Variants in DNMT3A observed in about 807,000 individuals in gnomAD.
The protein encoded by DNMT3A is DNA methyltransferase 3 alpha.
A neutral mutation model predicts 117.6 loss-of-function variants in DNMT3A; 267 were observed. That is an observed-to-expected ratio of 2.27 (90% CI 2.05 to 2.51). The LOEUF (loss-of-function observed/expected upper bound fraction) is 2.51. Ranked by LOEUF, DNMT3A falls within the 30% of genes most tolerant of loss-of-function variation. DNMT3A has a pLI of 0.00. For missense variants in DNMT3A, 1,029 were observed against 1,260.2 expected (o/e 0.82, Z 2.78); for synonymous variants, 432 against 474.8 (o/e 0.91, Z 1.17).
chr2:25,289,375 C>T (rs1280982535), intron 3 of DNMT3A, among the ~76,000 whole-genome samples: 1 of 152,224 alleles, frequency 6.6e-6, no homozygotes, highest in Non-Finnish European at 1.5e-5. Context: ...GCTGGGATTA[C>T]AGGCGTGAGC....
At chr2:25,329,809 G>C (rs1558746659) in intron 1 of DNMT3A, among the ~76,000 whole-genome samples, 1 of 151,960 alleles carries the variant, frequency 6.6e-6, no homozygotes, top group Admixed American at 6.6e-5. Flanking sequence ...CACGCACACA[G>C]CCCCCCTCAT....
chr2:25,248,992 G>A (rs774764879), intron 6 of DNMT3A, among the ~76,000 whole-genome samples: 2 of 152,104 alleles, frequency 1.3e-5, no homozygotes, highest in Non-Finnish European at 2.9e-5. Flanking sequence ...GCATTATACC[G>A]TATATCTCCT....
chr2:25,317,942 T>C (rs1385597586), intron 1 of DNMT3A, among the ~76,000 whole-genome samples: 1 of 151,868 alleles, frequency 6.6e-6, no homozygotes, highest in South Asian at 2.1e-4. Flanking sequence ...TCCATGTTGG[T>C]CAGGCTGGTC....
chr2:25,232,838 A>C lies in DNMT3A; in HGVS notation c.*1441T>G. Reference sequence around the variant, plus strand: ...TAATAAAAGGTGTCATCAGCCTCCCAGTATAAAACTGCAGCCTTTGGAGAT... The same window carrying C: ...TAATAAAAGGTGTCATCAGCCTCCCCGTATAAAACTGCAGCCTTTGGAGAT... On this transcript the variant is annotated 3_prime_UTR_variant, in exon 23 of 23. Transcript: ENST00000321117. This position sits in a 1 kb window ranked among gnomAD's most constrained non-coding sequence, Gnocchi z 4.1. 3 of 224,356 alleles carry C rather than the reference A, an allele frequency of 1.3e-5. No individual in the cohort carries two copies. The highest frequency in any genetic ancestry group is 6.5e-5 in the East Asian group (1 of 15,408). The allele number at this position is 224,356 out of a possible 1,614,324, so 13.9% of individuals were successfully genotyped here. A position where few individuals can be genotyped will look rare whatever the true frequency, so the allele number is the denominator to read the frequency against.
chr2:25,261,211 G>A (rs539568615), intron 6 of DNMT3A, among the ~76,000 whole-genome samples: 1 of 152,174 alleles, frequency 6.6e-6, no homozygotes, highest in South Asian at 2.1e-4. Context: ...GGCTGAGGTG[G>A]GTGGATCATC....
rs535057549 is a variant in DNMT3A at position 25,260,554 on chromosome 2, T to C, written c.640-12302A>G. 9.2e-5 allele frequency among the ~76,000 whole-genome samples: 14 copies of C among 152,348 alleles called. No homozygotes were observed. In the South Asian group the frequency reaches 2.9e-3, roughly 32 times the overall value. On this transcript the variant is annotated intron_variant, in intron 6 of 22. Coordinates refer to ENST00000321117, the MANE Select transcript of DNMT3A (RefSeq NM_022552.5). ...GAGGCTGAGCTGTTATTCCTGTTTT[T>C]GTTCAATCCATCTGAGTTGCAAGTG...
intron 1 of DNMT3A, among the ~76,000 whole-genome samples, chr2:25,319,951 G>A (rs1197622796): frequency 3.9e-5 from 6 of 152,110 alleles, no homozygotes; most frequent in Non-Finnish European, 8.8e-5. Context: ...TGCATTTTTA[G>A]TAGAGATGGG....
chr2:25,313,904 G>A lies in DNMT3A; in HGVS notation c.72+9C>T, dbSNP rs758596753. 95 of 1,549,046 alleles carry A rather than the reference G, an allele frequency of 6.1e-5. No individual in the cohort carries two copies. The Admixed American group carries it at 7.5e-4, about 12-fold the overall frequency. On this transcript the variant is annotated intron_variant, in intron 2 of 22. Coordinates refer to ENST00000321117, the MANE Select transcript of DNMT3A (RefSeq NM_022552.5). ...GGCCAGAGGGTCCCCAGCAGAGCCCGCTGCTCACCTTTCGGTCCTCCTCCC... is the reference window on the plus strand; with the variant it reads ...GGCCAGAGGGTCCCCAGCAGAGCCCACTGCTCACCTTTCGGTCCTCCTCCC...
intron 2 of DNMT3A, among the ~76,000 whole-genome samples, chr2:25,301,119 A>G (rs1210844566): frequency 6.6e-6 from 1 of 151,754 alleles, no homozygotes; most frequent in East Asian, 1.9e-4. Context: ...AATACAAAAA[A>G]TTAGCCGGGC....
At chr2:25,259,954 CA>C in intron 6 of DNMT3A, among the ~76,000 whole-genome samples, 1 of 152,338 alleles carries the variant, frequency 6.6e-6, no homozygotes, top group East Asian at 1.9e-4. Flanking sequence ...CTTTCCCCCC[CA>C]ACCCTGTTTG....
chr2:25,300,711 TAATATATATATA>T (rs1198965995), intron 2 of DNMT3A, among the ~76,000 whole-genome samples: 18 of 42,048 alleles, frequency 4.3e-4, no homozygotes, highest in African/African-American at 1.5e-3. Context: ...CTAAATAATA[TAATATATATATA>T]TATATATATA....
intron 17 of DNMT3A, 60 bp from the exon 18 acceptor site, chr2:25,240,790 AAAG>A: frequency 6.5e-7 from 1 of 1,538,400 alleles, no homozygotes; most frequent in Non-Finnish European, 9.0e-7. Context: ...AGACAGGAAG[AAAG>A]AGAAATTATC....
chr2:25,259,880 C>G (rs1676461068), intron 6 of DNMT3A, among the ~76,000 whole-genome samples: 1 of 152,222 alleles, frequency 6.6e-6, no homozygotes. Flanking sequence ...CTGAAAACAG[C>G]AGGACCCCTG....
intron 6 of DNMT3A, 139 bp downstream of exon 6, chr2:25,274,802 T>C (rs1262489026): frequency 7.9e-7 from 1 of 1,262,042 alleles, no homozygotes; most frequent in Non-Finnish European, 1.1e-6. Flanking sequence ...AAGGAGCAGA[T>C]GAACCAGTCA....
intron 1 of DNMT3A, among the ~76,000 whole-genome samples, chr2:25,323,678 C>T (rs1035895899): frequency 3.3e-5 from 5 of 152,186 alleles, no homozygotes; most frequent in Non-Finnish European, 5.9e-5. Context: ...ATTCAACCAG[C>T]CCGCAGATTT....
chr2:25,264,479 T>C (rs1168156516), intron 6 of DNMT3A, among the ~76,000 whole-genome samples: 1 of 150,790 alleles, frequency 6.6e-6, no homozygotes, highest in Non-Finnish European at 1.5e-5. Context: ...GTTTTGTTTT[T>C]TTTTGTGAGA....
At chr2:25,258,652 A>G (rs1676359304) in intron 6 of DNMT3A, among the ~76,000 whole-genome samples, 1 of 152,202 alleles carries the variant, frequency 6.6e-6, no homozygotes, top group Non-Finnish European at 1.5e-5. Context: ...TGTGGTAGGG[A>G]TGCTTTCTAC....
chr2:25,275,730 A>C (rs141109886), intron 4 of DNMT3A, among the ~76,000 whole-genome samples, 187 bp from the exon 5 acceptor site: 56 of 152,322 alleles, frequency 3.7e-4, no homozygotes, highest in South Asian at 1.0e-3. Flanking sequence ...CTGAGGACCC[A>C]GCAGGGCCTA....
rs1558741774 is a variant in DNMT3A, at chr2:25,323,069, T to C, written c.-177-8908A>G. Among the ~76,000 whole-genome samples the C allele has an allele frequency of 2.0e-5, 3 of 152,102 alleles. No individual in the cohort carries two copies. In the East Asian group the frequency reaches 5.8e-4, roughly 29 times the overall value. On this transcript the variant is annotated intron_variant, in intron 1 of 22. Coordinates refer to ENST00000321117, the MANE Select transcript of DNMT3A (RefSeq NM_022552.5). ...AACGCTTGTCAAAAGGTTTTCGTTG[T>C]GCCTGTGCTGACCTCAACCCTCACC...
Sources: allele counts gnomAD v4.1 joint callset (sites outside exome capture counted in the v4.1 genomes callset), GRCh38; gene constraint gnomAD v4.1.1; non-coding constraint Gnocchi (gnomAD v3.1); transcripts MANE v1.5; gene names NCBI Gene and HGNC (gene_info 2026-07-23, HGNC 2026-07-21).